Variants in NID1 observed in about 807,000 individuals in gnomAD.
The protein encoded by NID1 is nidogen 1.
NID1 carries 76 observed loss-of-function variants against 130.6 expected under a neutral mutation model. That is an observed-to-expected ratio of 0.58 (90% CI 0.48 to 0.70). NID1 has a LOEUF of 0.70. NID1 is among the 30% of genes least tolerant of loss of function. The probability of loss-of-function intolerance (pLI) is 0.00; values close to 1 mark genes in which losing one functional copy is unlikely to be tolerated. For missense variants in NID1, 1,517 were observed against 1,664.8 expected (o/e 0.91, Z 1.54); for synonymous variants, 665 against 675.1 (o/e 0.98, Z 0.23).
chr1:236,026,929 C>T (rs140411768), intron 7 of NID1, among the ~76,000 whole-genome samples: 2,590 of 151,888 alleles, frequency 0.017, 83 homozygotes, highest in African/African-American at 0.06. Context: ...TTAGTAGAGA[C>T]GGGGTTTCAC....
At chr1:236,063,104 A>G (rs1408644344) in intron 1 of NID1, among the ~76,000 whole-genome samples, 2 of 145,454 alleles carry the variant, frequency 1.4e-5, no homozygotes, top group African/African-American at 5.3e-5. Flanking sequence ...CAGTGAGCCA[A>G]GATCTCGCCA....
intron 1 of NID1, among the ~76,000 whole-genome samples, chr1:236,060,502 C>T (rs1424688492): frequency 1.3e-5 from 2 of 152,078 alleles, no homozygotes; most frequent in Non-Finnish European, 2.9e-5. Flanking sequence ...TTTTACCCAG[C>T]GCCTGTTCAA....
chr1:236,049,438 C>G (rs1363069985), intron 1 of NID1, among the ~76,000 whole-genome samples: 3 of 152,048 alleles, frequency 2.0e-5, no homozygotes, highest in Non-Finnish European at 4.4e-5. Context: ...CATGATCACG[C>G]CAGTGCACTC....
At chr1:236,016,501 A>G (rs1214709028) in intron 10 of NID1, among the ~76,000 whole-genome samples, 5 of 152,202 alleles carry the variant, frequency 3.3e-5, no homozygotes, top group African/African-American at 1.2e-4. Context: ...AGAATCTTGA[A>G]CGACCAGGTC....
Position 235,993,758 on chromosome 1 carries a change from T to G in NID1, c.2642A>C (p.His881Pro). 6.2e-7 allele frequency: 1 copy of G among 1,613,914 alleles called. No individual in the cohort carries two copies. Among genetic ancestry groups the G allele is most frequent in the Non-Finnish European group, 8.5e-7 (1 of 1,179,924 alleles). ...PGLFVPECDA[H>P]GHYAPTQCHG... ...GCACTGGGTGGGCGCGTAGTGCCCG[T>G]GCGCATCGCACTCAGGAACGAACAG... Residue 881 changes from histidine (H) to proline (P), a missense_variant, in exon 13 of 20, where the codon CAC (histidine) becomes CCC (proline). Physicochemically the swap from His to Pro is moderately conservative, Grantham distance 77 (BLOSUM62 -2). Transcript: ENST00000264187.
intron 1 of NID1, chr1:236,060,707 C>A (rs1404027370): frequency 6.6e-6 from 1 of 150,708 alleles, no homozygotes; most frequent in African/African-American, 2.4e-5. Flanking sequence ...GTTATCTGAA[C>A]TTATTAGCAT....
chr1:236,020,575 G>A (rs1282731973), intron 9 of NID1, among the ~76,000 whole-genome samples: 2 of 152,086 alleles, frequency 1.3e-5, no homozygotes. Context: ...GTCACTGTGC[G>A]ACGTCTCACC....
rs141085731 is a variant in NID1 at position 235,980,762 on chromosome 1, G to A, written c.3228-109C>T. ...TTACAATGAAGTGATTGGCAGACAT[G>A]AAAACAGAATGACTGAAAGGATCGA... On this transcript the variant is annotated intron_variant, in intron 16 of 19. Coordinates refer to ENST00000264187, the MANE Select transcript of NID1 (RefSeq NM_002508.3). 379 of 1,173,478 alleles carry A rather than the reference G, an allele frequency of 3.2e-4. 1 individual carries two copies. In the African/African-American group the frequency reaches 5.3e-3, roughly 16 times the overall value. The allele number at this position is 1,173,478 out of a possible 1,614,324, so 72.7% of individuals were successfully genotyped here.
At chr1:235,993,575 G>T in intron 13 of NID1, 70 bp downstream of exon 13, 1 of 1,328,242 alleles carries the variant, frequency 7.5e-7, no homozygotes, top group Non-Finnish European at 1.0e-6. Context: ...AGCAAAGAGC[G>T]TGTTCAGCAA....
At chr1:236,048,346 A>AAAATAAATAAAT (rs34843286) in intron 2 of NID1, among the ~76,000 whole-genome samples, 2 of 151,160 alleles carry the variant, frequency 1.3e-5, no homozygotes, top group African/African-American at 4.8e-5. Context: ...AAAAAAAAGA[A>AAAATAAATAAAT]AAATAAATAA....
At chr1:235,984,069 C>G (rs977701685) in intron 15 of NID1, among the ~76,000 whole-genome samples, 3 of 151,910 alleles carry the variant, frequency 2.0e-5, no homozygotes, top group African/African-American at 7.3e-5. Flanking sequence ...TTCACAGTAA[C>G]TAGGCTTTTG....
Position 236,013,445 on chromosome 1 carries a change from C to A in NID1, c.2370G>T (p.Leu790Phe), listed in dbSNP as rs1402233993. Residue 790 changes from leucine (L) to phenylalanine (F), a missense_variant, in exon 11 of 20, where the codon TTG becomes TTT. By Grantham distance (22) the Leu-to-Phe change is conservative (BLOSUM62 0). This residue lies in a region of NID1 where 1,329 missense variants were observed against 1,429.2 expected (regional missense o/e 0.93). Coordinates refer to ENST00000264187, the MANE Select transcript of NID1 (RefSeq NM_002508.3). ...TGGSSYTCSC[L>F]PGFSGDGQAC... is the part of the protein sequence containing the mutation. Reference sequence around the variant, plus strand: ...CTTGGCCATCCCCAGAAAAGCCTGGCAAGCAGGAACAGGTGTAGGAGGAGC... The same window carrying A: ...CTTGGCCATCCCCAGAAAAGCCTGGAAAGCAGGAACAGGTGTAGGAGGAGC... 4 of 1,613,948 alleles carry A rather than the reference C, an allele frequency of 2.5e-6. No individual in the cohort carries two copies. The highest frequency in any genetic ancestry group is 3.4e-6 in the Non-Finnish European group (4 of 1,180,018).
At chr1:235,985,343 A>G (rs1324153328) in intron 15 of NID1, 36 bp downstream of exon 15, 2 of 1,613,230 alleles carry the variant, frequency 1.2e-6, no homozygotes, top group East Asian at 4.5e-5. Flanking sequence ...TGCTAGAAGC[A>G]AAACCAAAAA....
At chr1:236,039,234 A>AT (rs1336827754) in intron 4 of NID1, among the ~76,000 whole-genome samples, 3 of 148,066 alleles carry the variant, frequency 2.0e-5, no homozygotes, top group South Asian at 2.1e-4. Context: ...ATATGATATA[A>AT]TTTTTTTAAT....
chr1:236,013,801 G>A (rs1658503044), intron 10 of NID1, among the ~76,000 whole-genome samples: 1 of 152,146 alleles, frequency 6.6e-6, no homozygotes, highest in South Asian at 2.1e-4. Context: ...CATTCCACCT[G>A]GCTTGACCTC....
chr1:235,979,060 G>A lies in NID1; in HGVS notation c.3557C>T (p.Ala1186Val). The A allele has an allele frequency of 1.9e-6, 3 of 1,614,090 alleles. No individual in the cohort carries two copies. The highest frequency in any genetic ancestry group is 1.7e-6 in the Non-Finnish European group (2 of 1,179,986). Reference protein sequence around the residue: ...LDLAISKETDAFQPHKQTRLY... With the variant: ...LDLAISKETDVFQPHKQTRLY... ...CCGGGTCTGCTTGTGGGGTTGGAAAGCATCCGTCTCCTTGGAAATTGCAAG... is the reference window on the plus strand; with the variant it reads ...CCGGGTCTGCTTGTGGGGTTGGAAAACATCCGTCTCCTTGGAAATTGCAAG... The change falls in exon 19 of 20, where the codon GCT (alanine) becomes GTT (valine). Residue 1186 changes from alanine to valine, a missense_variant. Coordinates refer to ENST00000264187, the MANE Select transcript of NID1 (RefSeq NM_002508.3). This position sits in a 1 kb window ranked among gnomAD's most constrained non-coding sequence, Gnocchi z 4.6.
chr1:236,061,577 TGCCTCAGCCTCCTGAGTA>T, intron 1 of NID1, among the ~76,000 whole-genome samples: 1 of 152,150 alleles, frequency 6.6e-6, no homozygotes, highest in Admixed American at 6.6e-5. Context: ...GAGATTCTCC[TGCCTCAGCCTCCTGAGTA>T]GCTGAGATTA....
chr1:236,022,976 T>C (rs1351921146), intron 9 of NID1, among the ~76,000 whole-genome samples: 1 of 151,370 alleles, frequency 6.6e-6, no homozygotes, highest in Non-Finnish European at 1.5e-5. Context: ...GGTGAATCAC[T>C]TGAGCCCAGG....
intron 12 of NID1, among the ~76,000 whole-genome samples, chr1:236,001,264 C>T (rs1010388187): frequency 6.6e-6 from 1 of 152,110 alleles, no homozygotes; most frequent in Admixed American, 6.5e-5. Flanking sequence ...TGCCACTGCG[C>T]CCAGCTAATT....
Sources: gnomAD v4.1 joint callset for allele counts (sites outside exome capture counted in the v4.1 genomes callset) on GRCh38, gnomAD v4.1.1 for gene constraint, gnomAD v4.1.1 regional missense constraint, Gnocchi (gnomAD v3.1) non-coding constraint, MANE v1.5 for transcripts, NCBI Gene and HGNC (gene_info 2026-07-23, HGNC 2026-07-21) for gene names.